R3HCC1L: variants seen among roughly 807,000 people sequenced by gnomAD.
The protein encoded by R3HCC1L is coiled-coil domain-containing protein R3HCC1L.
R3HCC1L carries 51 observed loss-of-function variants against 59.9 expected under a neutral mutation model. The observed-to-expected ratio is 0.85, with a 90% CI of 0.68 to 1.07. The LOEUF (loss-of-function observed/expected upper bound fraction) is 1.07, where lower values mean the gene tolerates loss of function less well. Ranked by LOEUF, R3HCC1L falls within the 50% of genes least tolerant of loss-of-function variation. The probability of loss-of-function intolerance (pLI) is 0.00; values close to 1 mark genes in which losing one functional copy is unlikely to be tolerated. For missense variants in R3HCC1L, 965 were observed against 933.0 expected (o/e 1.03, Z -0.45); for synonymous variants, 322 against 315.2 (o/e 1.02, Z -0.23).
intron 4 of R3HCC1L, among the ~76,000 whole-genome samples, chr10:98,179,127 C>T (rs1317523657): frequency 6.6e-6 from 1 of 152,200 alleles, no homozygotes; most frequent in African/African-American, 2.4e-5. Flanking sequence ...GAGAGGGCAT[C>T]CCTGTCTTGT....
At chr10:98,156,467 T>C (rs1846894810) in intron 2 of R3HCC1L, among the ~76,000 whole-genome samples, 1 of 152,216 alleles carries the variant, frequency 6.6e-6, no homozygotes, top group African/African-American at 2.4e-5. Flanking sequence ...GTTTTCCATA[T>C]CTCATCTCTT....
rs771435285 is a variant in R3HCC1L, at chr10:98,208,539, C to A, written c.425C>A (p.Pro142Gln). 6.2e-7 allele frequency: 1 copy of A among 1,613,930 alleles called. No individual in the cohort carries two copies. The highest frequency in any genetic ancestry group is 8.5e-7 in the Non-Finnish European group (1 of 1,180,016). The change falls in exon 5 of 10, where the codon CCA becomes CAA. Residue 142 changes from proline to glutamine, a missense_variant. By Grantham distance (76) the Pro-to-Gln change is moderately conservative. Transcript: ENST00000298999. ...GCACCTTTGCAGAGACATTTTAAAC[C>A]AAAGAAGGTGGAGTGTTTGGAAGTT... is the stretch of plus-strand genomic sequence containing the variant. The part of the protein sequence containing the change: ...TNAPLQRHFK[P>Q]KKVECLEVET...
chr10:98,198,463 G>C (rs1389685332), intron 4 of R3HCC1L, among the ~76,000 whole-genome samples: 1 of 146,842 alleles, frequency 6.8e-6, no homozygotes, highest in African/African-American at 2.5e-5. Context: ...TGAAACCAAG[G>C]AAGTTATTTT....
At chr10:98,159,718 A>C (rs921385855) in intron 2 of R3HCC1L, among the ~76,000 whole-genome samples, 1 of 152,158 alleles carries the variant, frequency 6.6e-6, no homozygotes, top group East Asian at 1.9e-4. Context: ...GAGCCCCTTC[A>C]GTTCTTTTGA....
intron 1 of R3HCC1L, among the ~76,000 whole-genome samples, chr10:98,146,034 A>G (rs747873407): frequency 1.3e-5 from 2 of 152,192 alleles, no homozygotes; most frequent in African/African-American, 4.8e-5. Context: ...TCACCCATCT[A>G]TTTACCATAC....
chr10:98,195,594 CAA>C (rs574565567), intron 4 of R3HCC1L, among the ~76,000 whole-genome samples: 14 of 92,108 alleles, frequency 1.5e-4, no homozygotes, highest in Non-Finnish European at 3.2e-4. Flanking sequence ...AAAATACACA[CAA>C]AAAAAAACTC....
chr10:98,135,360 A>G (rs1470472260), intron 1 of R3HCC1L, among the ~76,000 whole-genome samples: 1 of 152,244 alleles, frequency 6.6e-6, no homozygotes, highest in African/African-American at 2.4e-5. Context: ...TCTTTTGTAC[A>G]GTAGTCTGTT....
Position 98,244,200 on chromosome 10 carries a change from G to A in R3HCC1L, c.*42G>A, listed in dbSNP as rs1181953048. 1 of 1,569,360 alleles carries A rather than the reference G, an allele frequency of 6.4e-7. No homozygotes were observed. The highest frequency in any genetic ancestry group is 8.8e-7 in the Non-Finnish European group (1 of 1,139,956). Reference sequence around the variant, plus strand: ...GGGATAATTCCATGAATCAGAAAATGTTTCCATAGCCTTCAGATAAGATGA... The same window carrying A: ...GGGATAATTCCATGAATCAGAAAATATTTCCATAGCCTTCAGATAAGATGA... On this transcript the variant is annotated 3_prime_UTR_variant, in exon 10 of 10. Coordinates refer to ENST00000298999, the MANE Select transcript of R3HCC1L (RefSeq NM_001351015.2).
intron 4 of R3HCC1L, among the ~76,000 whole-genome samples, chr10:98,178,540 A>G (rs977748763): frequency 6.6e-6 from 1 of 152,128 alleles, no homozygotes; most frequent in Non-Finnish European, 1.5e-5. Context: ...TTGTCTTGGC[A>G]ATGCGGGCTC....
chr10:98,189,333 G>A (rs1188866307), intron 4 of R3HCC1L, among the ~76,000 whole-genome samples: 1 of 152,148 alleles, frequency 6.6e-6, no homozygotes, highest in African/African-American at 2.4e-5. Context: ...AGAAGGCCTT[G>A]AGGCATCACC....
At chr10:98,222,699 T>C (rs1306316476) in intron 5 of R3HCC1L, among the ~76,000 whole-genome samples, 2 of 152,188 alleles carry the variant, frequency 1.3e-5, no homozygotes, top group Admixed American at 6.5e-5. Flanking sequence ...TTTGCATATA[T>C]TGAACCAGCC....
At chr10:98,161,415 T>C (rs1449643171) in intron 2 of R3HCC1L, among the ~76,000 whole-genome samples, 1 of 152,162 alleles carries the variant, frequency 6.6e-6, no homozygotes, top group Non-Finnish European at 1.5e-5. Flanking sequence ...TTAGGAATAT[T>C]AGCTCTTTAC....
chr10:98,241,639 T>C (rs923206905), intron 9 of R3HCC1L, among the ~76,000 whole-genome samples: 4 of 152,222 alleles, frequency 2.6e-5, no homozygotes, highest in Non-Finnish European at 5.9e-5. Context: ...TTATCAGCTA[T>C]TATCTGCTTT....
intron 1 of R3HCC1L, among the ~76,000 whole-genome samples, chr10:98,152,259 A>G (rs58699060): frequency 0.012 from 1,794 of 152,268 alleles, 39 homozygotes; most frequent in African/African-American, 0.041. Flanking sequence ...TCAGTGCTCA[A>G]TGTTGCCCAG....
rs556552096 is a variant in R3HCC1L, at chr10:98,243,832, A to G, written c.2270-259A>G. Among the ~76,000 whole-genome samples the G allele has an allele frequency of 3.9e-5, 6 of 152,374 alleles. No homozygotes were observed. In the South Asian group the frequency reaches 1.2e-3, roughly 32 times the overall value. On this transcript the variant is annotated intron_variant, in intron 9 of 9. Coordinates refer to ENST00000298999, the MANE Select transcript of R3HCC1L (RefSeq NM_001351015.2). ...CAAGACTAGAATCTGAGTCCCTACT[A>G]GATTCTGACTTATTCCATATACTTC...
rs147473346 is a variant in R3HCC1L at position 98,179,495 on chromosome 10, G to A, written c.-15+16098G>A. 2.3e-3 allele frequency among the ~76,000 whole-genome samples: 350 copies of A among 152,242 alleles called. 2 individuals are homozygous for A. The highest frequency in any genetic ancestry group is 7.9e-3 in the African/African-American group (329 of 41,560). On this transcript the variant is annotated intron_variant, in intron 4 of 9. Transcript: ENST00000298999. Reference sequence around the variant, plus strand: ...TTTTACTTAGGATTTTCGAATCAGTGTTCATCAGGGATATTGGTCTAAAAT... The same window carrying A: ...TTTTACTTAGGATTTTCGAATCAGTATTCATCAGGGATATTGGTCTAAAAT...
At chr10:98,139,531 G>A (rs1334886882) in intron 1 of R3HCC1L, among the ~76,000 whole-genome samples, 1 of 152,174 alleles carries the variant, frequency 6.6e-6, no homozygotes, top group Non-Finnish European at 1.5e-5. Flanking sequence ...TGTGCTCTTC[G>A]CTAGTGCAGA....
intron 2 of R3HCC1L, among the ~76,000 whole-genome samples, chr10:98,157,536 G>GTA (rs1221185485): frequency 2.6e-5 from 4 of 152,158 alleles, no homozygotes; most frequent in Non-Finnish European, 5.9e-5. Context: ...TCCAGAGTTG[G>GTA]TATGGCCAGT....
Position 98,209,592 on chromosome 10 carries a change from T to A in R3HCC1L, c.1478T>A (p.Met493Lys). ...ACTTTTTTGGACTCTGAACTCAGTA[T>A]GTTAAATGGGACAAAAGTTCTTTCA... ...YNTFLDSELS[M>K]LNGTKVLSDS... The change falls in exon 5 of 10, where the codon ATG (methionine) becomes AAG (lysine). Residue 493 changes from methionine to lysine, a missense_variant. By Grantham distance (95) the Met-to-Lys change is moderately conservative. Coordinates refer to ENST00000298999, the MANE Select transcript of R3HCC1L (RefSeq NM_001351015.2). 1.2e-6 allele frequency: 2 copies of A among 1,614,052 alleles called. No homozygotes were observed. The highest frequency in any genetic ancestry group is 1.7e-6 in the Non-Finnish European group (2 of 1,179,978).
Sources: allele counts gnomAD v4.1 joint callset (sites outside exome capture counted in the v4.1 genomes callset), GRCh38; gene constraint gnomAD v4.1.1; transcripts MANE v1.5; gene names NCBI Gene and HGNC (gene_info 2026-07-23, HGNC 2026-07-21).